Variants in VPS16 observed in about 807,000 individuals in gnomAD.
VPS16 encodes vacuolar protein sorting-associated protein 16 homolog.
A neutral mutation model predicts 116.0 loss-of-function variants in VPS16; 82 were observed. The observed-to-expected ratio is 0.71, with a 90% confidence interval of 0.59 to 0.85. The LOEUF is 0.85. Ranked by LOEUF, VPS16 falls within the 40% of genes least tolerant of loss-of-function variation. VPS16 has a pLI of 0.00. For synonymous variants in VPS16, 406 were observed against 420.7 expected, an observed-to-expected ratio of 0.96 and a Z score of 0.43; for missense variants, 928 against 1,090.6, an observed-to-expected ratio of 0.85 and a Z score of 2.10.
In VPS16 at chr20:2,860,169, T is replaced by C. The variant is rs1313347165; in HGVS notation, c.240+18T>C. 6.2e-7 allele frequency: 1 copy of C among 1,614,058 alleles called. No homozygotes were observed. The highest frequency in any genetic ancestry group is 2.2e-5 in the East Asian group (1 of 44,876). ...GCCTGCTGGTGAGCACTTCTGATGG[T>C]CCCTGGGGCTCAGGGCTGGACAGGG... On this transcript the variant is annotated intron_variant, in intron 3 of 23. Coordinates refer to ENST00000380445, the MANE Select transcript of VPS16 (RefSeq NM_022575.4). The surrounding 1 kb of genome is among the most constrained non-coding windows in gnomAD (Gnocchi z 6.1).
At chr20:2,861,431 T>C (rs2089226430) in intron 8 of VPS16, 151 bp downstream of exon 8, 1 of 1,416,608 alleles carries the variant, frequency 7.1e-7, no homozygotes. Flanking sequence ...AGGAAACCAT[T>C]GTCCTCTGTG....
chr20:2,862,515 T>C, intron 11 of VPS16, 64 bp from the exon 12 acceptor site: 1 of 1,578,538 alleles, frequency 6.3e-7, no homozygotes, highest in Non-Finnish European at 8.6e-7. Context: ...CCCAGAATGG[T>C]TAGGGGCCAG....
intron 11 of VPS16, chr20:2,862,355 C>A: frequency 9.6e-7 from 1 of 1,045,576 alleles, no homozygotes; most frequent in Non-Finnish European, 1.4e-6. Flanking sequence ...GTCTGGGTTA[C>A]TATTGGGAGG....
At chr20:2,843,006 CT>C (rs1423832303) in intron 1 of VPS16, among the ~76,000 whole-genome samples, 4 of 151,768 alleles carry the variant, frequency 2.6e-5, no homozygotes, top group African/African-American at 9.7e-5. Flanking sequence ...ACCATTCTCA[CT>C]GACATATTAA....
In VPS16 at chr20:2,860,550, C is replaced by T; in HGVS notation, c.471C>T (p.Ala157=). ...GGGCCCACCGCTTCACCCTCAGTGC[C>T]AATGTGGGTGACCTCAAACTCCGCC... ...LTGAHRFTLS[A]NVGDLKLRRM... The change falls in exon 5 of 24, where the codon GCC becomes GCT. Residue 157 remains alanine (A), a synonymous_variant. Coordinates refer to ENST00000380445, the MANE Select transcript of VPS16 (RefSeq NM_022575.4). This position sits in a 1 kb window ranked among gnomAD's most constrained non-coding sequence, Gnocchi z 6.1. 6.2e-7 allele frequency: 1 copy of T among 1,613,918 alleles called. No homozygotes were observed. The highest frequency in any genetic ancestry group is 8.5e-7 in the Non-Finnish European group (1 of 1,180,008).
At chr20:2,844,470 G>A (rs764489246) in intron 1 of VPS16, among the ~76,000 whole-genome samples, 1 of 152,120 alleles carries the variant, frequency 6.6e-6, no homozygotes, top group African/African-American at 2.4e-5. Flanking sequence ...TGCAACTTGG[G>A]CTAATCTAAT....
At chr20:2,847,720 G>C (rs1201339426) in intron 1 of VPS16, among the ~76,000 whole-genome samples, 1 of 151,798 alleles carries the variant, frequency 6.6e-6, no homozygotes, top group Admixed American at 6.6e-5. Context: ...CTCATGATCC[G>C]CCTGTCTCGG....
Position 2,864,052 on chromosome 20 carries a change from A to G in VPS16, c.1580A>G (p.Tyr527Cys), listed in dbSNP as rs772435941. The change falls in exon 16 of 24, where the codon TAT (tyrosine) becomes TGT (cysteine). Residue 527 changes from tyrosine (Y) to cysteine (C), a missense_variant. Transcript: ENST00000380445. This position sits in a 1 kb window ranked among gnomAD's most constrained non-coding sequence, Gnocchi z 5.2. The stretch of plus-strand genomic sequence containing the variant: ...TACTCCGACATTGCTGCACGAGCCT[A>G]TGGTTGTGGCCGCACGGAGCTGGCC... ...VSYSDIAARAYGCGRTELAIK... is the reference protein window; with the variant it reads ...VSYSDIAARACGCGRTELAIK... 5.6e-6 allele frequency: 9 copies of G among 1,614,122 alleles called. No individual in the cohort carries two copies. The highest frequency in any genetic ancestry group is 6.8e-6 in the Non-Finnish European group (8 of 1,180,008).
In VPS16 at chr20:2,860,134, C is replaced by T. The variant is rs2089211463; in HGVS notation, c.223C>T (p.Pro75Ser). ...CGATATATACTCTGCTTCCGGCATG[C>T]CTCTGGCCAGCCTGCTGGTGAGCAC... ...VLDIYSASGM[P>S]LASLLWKSGP... The change falls in exon 3 of 24, where the codon CCT (proline) becomes TCT (serine). Residue 75 changes from proline to serine, a missense_variant. Pro to Ser is a moderately conservative substitution (Grantham distance 74). Transcript: ENST00000380445. The surrounding 1 kb of genome is among the most constrained non-coding windows in gnomAD (Gnocchi z 6.1). 1 of 1,613,922 alleles carries T rather than the reference C, an allele frequency of 6.2e-7. No individual in the cohort carries two copies. Among genetic ancestry groups the T allele is most frequent in the African/African-American group, 1.3e-5 (1 of 74,910 alleles).
At chr20:2,844,478 A>C (rs1230034569) in intron 1 of VPS16, among the ~76,000 whole-genome samples, 1 of 152,142 alleles carries the variant, frequency 6.6e-6, no homozygotes, top group African/African-American at 2.4e-5. Context: ...GGGCTAATCT[A>C]ATTAATTAAT....
intron 1 of VPS16, among the ~76,000 whole-genome samples, chr20:2,857,393 G>C (rs1191599561): frequency 6.6e-6 from 1 of 151,926 alleles, no homozygotes; most frequent in East Asian, 1.9e-4. Flanking sequence ...ATTGCTCCAT[G>C]TTTTCTATAT....
chr20:2,851,876 T>A (rs1599982635), intron 1 of VPS16, among the ~76,000 whole-genome samples: 1 of 151,592 alleles, frequency 6.6e-6, no homozygotes, highest in African/African-American at 2.4e-5. Flanking sequence ...GAGGCTGAGG[T>A]AGGAGGATGG....
At chr20:2,850,971 A>G (rs1350353369) in intron 1 of VPS16, among the ~76,000 whole-genome samples, 1 of 143,944 alleles carries the variant, frequency 6.9e-6, no homozygotes, top group Non-Finnish European at 1.5e-5. Flanking sequence ...CTGTCAAAAA[A>G]AAAAAAAAAA....
chr20:2,853,477 T>C (rs540002873), intron 1 of VPS16, among the ~76,000 whole-genome samples: 1 of 152,258 alleles, frequency 6.6e-6, no homozygotes, highest in African/African-American at 2.4e-5. Context: ...GTGCTGAGAT[T>C]GAAGCAATTC....
chr20:2,857,235 C>T (rs542683024), intron 1 of VPS16, among the ~76,000 whole-genome samples: 5 of 152,274 alleles, frequency 3.3e-5, no homozygotes, highest in Admixed American at 1.3e-4. Context: ...CCTTGGCCTC[C>T]GAAAGTGCTG....
intron 1 of VPS16, among the ~76,000 whole-genome samples, chr20:2,847,819 C>G (rs756845289): frequency 7.9e-5 from 12 of 152,074 alleles, no homozygotes; most frequent in Non-Finnish European, 1.6e-4. Context: ...CACCGATACT[C>G]TAATACCTCC....
intron 1 of VPS16, among the ~76,000 whole-genome samples, chr20:2,858,651 C>G (rs2089198080): frequency 6.6e-6 from 1 of 151,926 alleles, no homozygotes; most frequent in Non-Finnish European, 1.5e-5. Flanking sequence ...GGAATAGTGC[C>G]CATTCCTTCT....
At chr20:2,858,327 G>A (rs1024742494) in intron 1 of VPS16, among the ~76,000 whole-genome samples, 1 of 151,944 alleles carries the variant, frequency 6.6e-6, no homozygotes, top group Non-Finnish European at 1.5e-5. Flanking sequence ...GGCCAGTCTC[G>A]GTCCACTGAG....
chr20:2,864,054 G>A lies in VPS16; in HGVS notation c.1582G>A (p.Gly528Ser). Residue 528 changes from glycine (G) to serine (S), a missense_variant, in exon 16 of 24, where the codon GGT becomes AGT. By Grantham distance (56) the Gly-to-Ser change is moderately conservative. Coordinates refer to ENST00000380445, the MANE Select transcript of VPS16 (RefSeq NM_022575.4). The surrounding 1 kb of genome is among the most constrained non-coding windows in gnomAD (Gnocchi z 5.2). Reference sequence around the variant, plus strand: ...CTCCGACATTGCTGCACGAGCCTATGGTTGTGGCCGCACGGAGCTGGCCAT... The same window carrying A: ...CTCCGACATTGCTGCACGAGCCTATAGTTGTGGCCGCACGGAGCTGGCCAT... ...SYSDIAARAY[G>S]CGRTELAIKL... 3.1e-6 allele frequency: 5 copies of A among 1,614,202 alleles called. No homozygotes were observed. Among genetic ancestry groups the A allele is most frequent in the Non-Finnish European group, 4.2e-6 (5 of 1,180,018 alleles).
Sources: allele counts gnomAD v4.1 joint callset (sites outside exome capture counted in the v4.1 genomes callset), GRCh38; gene constraint gnomAD v4.1.1; non-coding constraint Gnocchi (gnomAD v3.1); transcripts MANE v1.5; gene names NCBI Gene and HGNC (gene_info 2026-07-23, HGNC 2026-07-21).